DENND1B: variants seen among roughly 807,000 people sequenced by gnomAD.
The protein encoded by DENND1B is DENN domain-containing protein 1B.
In DENND1B, 59 loss-of-function variants were observed where a neutral mutation model predicts 90.1. That is an observed-to-expected ratio of 0.65 (90% CI 0.53 to 0.81). DENND1B has a LOEUF of 0.81. DENND1B is among the 40% of genes least tolerant of loss of function. The pLI is 0.00. For synonymous variants in DENND1B, 337 were observed against 324.6 expected (o/e 1.04, Z -0.41); for missense variants, 862 against 912.6 (o/e 0.94, Z 0.71).
chr1:197,654,383 G>A (rs1454291975), intron 6 of DENND1B, among the ~76,000 whole-genome samples: 2 of 152,098 alleles, frequency 1.3e-5, no homozygotes, highest in African/African-American at 4.8e-5. Context: ...GGGCTGAGGT[G>A]GGTGGATCAA....
intron 3 of DENND1B, among the ~76,000 whole-genome samples, chr1:197,683,915 G>C (rs1656955769): frequency 6.6e-6 from 1 of 152,172 alleles, no homozygotes; most frequent in Non-Finnish European, 1.5e-5. Flanking sequence ...ATTTGTTACA[G>C]TTGGAAAGAT....
chr1:197,649,949 A>G (rs761456556), intron 7 of DENND1B, among the ~76,000 whole-genome samples: 1 of 152,210 alleles, frequency 6.6e-6, no homozygotes, highest in African/African-American at 2.4e-5. Context: ...AGAATGGGAG[A>G]AAATCTCACA....
chr1:197,650,281 T>C (rs1482537587), intron 7 of DENND1B, among the ~76,000 whole-genome samples: 2 of 152,194 alleles, frequency 1.3e-5, no homozygotes, highest in African/African-American at 4.8e-5. Flanking sequence ...TTCTTACACA[T>C]GTAGGTATCC....
chr1:197,569,178 T>C (rs1672938402), intron 15 of DENND1B, among the ~76,000 whole-genome samples: 1 of 152,106 alleles, frequency 6.6e-6, no homozygotes, highest in Non-Finnish European at 1.5e-5. Context: ...GAAAAAATGT[T>C]CAACATCACT....
upstream of DENND1B, among the ~76,000 whole-genome samples, chr1:197,776,546 G>A (rs921675583): frequency 2.6e-5 from 4 of 152,086 alleles, no homozygotes; most frequent in Admixed American, 2.0e-4. Flanking sequence ...TCCAAAAGGT[G>A]GTTACTTCAG....
At chr1:197,719,683 A>G (rs1660975768) in intron 2 of DENND1B, among the ~76,000 whole-genome samples, 3 of 152,128 alleles carry the variant, frequency 2.0e-5, no homozygotes, top group Admixed American at 2.0e-4. Context: ...ATTTCTCTCA[A>G]TTGGTGGATT....
chr1:197,700,087 T>C (rs1273219869), intron 3 of DENND1B, among the ~76,000 whole-genome samples: 2 of 152,196 alleles, frequency 1.3e-5, no homozygotes, highest in Non-Finnish European at 2.9e-5. Flanking sequence ...CATTAAATTC[T>C]TCATAGAATT....
intron 19 of DENND1B, 112 bp from the exon 20 acceptor site, chr1:197,540,183 T>TA: frequency 1.9e-6 from 1 of 534,004 alleles, no homozygotes; most frequent in Non-Finnish European, 3.1e-6. Context: ...AAATAACACT[T>TA]CAGCTTTAAG....
chr1:197,775,072 C>A, intron 1 of DENND1B, 67 bp downstream of exon 1: 1 of 1,108,546 alleles, frequency 9.0e-7, no homozygotes, highest in Non-Finnish European at 1.1e-6. Flanking sequence ...CGCGGAGGAG[C>A]CGAGCTGGCC....
At chr1:197,617,113 T>G (rs958666784) in intron 11 of DENND1B, among the ~76,000 whole-genome samples, 16 of 151,060 alleles carry the variant, frequency 1.1e-4, no homozygotes, top group Admixed American at 7.3e-4. Flanking sequence ...AACATTGCTT[T>G]TCATGGTGGA....
At chr1:197,727,041 A>G (rs1661702930) in intron 2 of DENND1B, among the ~76,000 whole-genome samples, 1 of 152,190 alleles carries the variant, frequency 6.6e-6, no homozygotes, top group Admixed American at 6.5e-5. Context: ...TATTGCTAAA[A>G]TCTTCCCTGA....
chr1:197,707,943 T>G (rs1244075343), intron 3 of DENND1B, among the ~76,000 whole-genome samples: 1 of 151,776 alleles, frequency 6.6e-6, no homozygotes, highest in Non-Finnish European at 1.5e-5. Flanking sequence ...GGAGTTCCCT[T>G]TCCAAGTCAA....
chr1:197,690,887 A>G (rs970008746), intron 3 of DENND1B, among the ~76,000 whole-genome samples: 1 of 148,646 alleles, frequency 6.7e-6, no homozygotes, highest in Admixed American at 6.8e-5. Context: ...CCAAAAAAAA[A>G]TCTGTCATAG....
intron 15 of DENND1B, among the ~76,000 whole-genome samples, chr1:197,569,878 T>C (rs1673004647): frequency 1.3e-5 from 2 of 152,246 alleles, no homozygotes; most frequent in Non-Finnish European, 2.9e-5. Context: ...AATGTATAGT[T>C]AGTAACTATG....
At chr1:197,769,570 T>C (rs1400219736) in intron 2 of DENND1B, among the ~76,000 whole-genome samples, 1 of 152,160 alleles carries the variant, frequency 6.6e-6, no homozygotes, top group African/African-American at 2.4e-5. Flanking sequence ...ACCTGGATGT[T>C]TGACGACTTC....
intron 5 of DENND1B, among the ~76,000 whole-genome samples, chr1:197,663,083 C>T (rs570867757): frequency 1.3e-5 from 2 of 152,084 alleles, no homozygotes; most frequent in East Asian, 1.9e-4. Context: ...AAAATAACAC[C>T]AATTATTTAT....
At chr1:197,624,911 G>T (rs1258843642) in intron 10 of DENND1B, among the ~76,000 whole-genome samples, 2 of 151,868 alleles carry the variant, frequency 1.3e-5, no homozygotes, top group East Asian at 3.9e-4. Context: ...GGAAGAAAGG[G>T]TATCAGTGAT....
At chr1:197,545,630 T>C (rs896482570) in intron 18 of DENND1B, 4 of 283,670 alleles carry the variant, frequency 1.4e-5, no homozygotes, top group Middle Eastern at 1.1e-3. Flanking sequence ...AATGAAATAA[T>C]GACATTTTAC....
At chr1:197,656,013 A>T (rs1011971715) in intron 6 of DENND1B, among the ~76,000 whole-genome samples, 1 of 152,208 alleles carries the variant, frequency 6.6e-6, no homozygotes. Flanking sequence ...AAGCCAGATC[A>T]TAAAGTTATT....
Sources: allele counts gnomAD v4.1 joint callset (sites outside exome capture counted in the v4.1 genomes callset), GRCh38; gene constraint gnomAD v4.1.1; transcripts MANE v1.5; gene names NCBI Gene and HGNC (gene_info 2026-07-23, HGNC 2026-07-21).